The following HCLS1 variants were observed in gnomAD, a reference collection of about 807,000 sequenced individuals.
HCLS1 encodes the protein hematopoietic cell-specific Lyn substrate 1.
Under a neutral mutation model 68.6 loss-of-function variants are expected in HCLS1, and 44 were observed. That is an observed-to-expected ratio of 0.64 (90% CI 0.50 to 0.82). HCLS1 has a LOEUF of 0.82. Among genes scored for constraint, HCLS1 ranks in the 40% least tolerant of loss-of-function variants. HCLS1 has a pLI of 0.00. For missense variants in HCLS1, 602 were observed against 612.1 expected, an observed-to-expected ratio of 0.98 and a Z score of 0.17; for synonymous variants, 217 against 225.8, an observed-to-expected ratio of 0.96 and a Z score of 0.35.
chr3:121,632,613 T>C (rs766204843), intron 11 of HCLS1, 50 bp from the exon 12 acceptor site: 3 of 1,545,108 alleles, frequency 1.9e-6, no homozygotes, highest in Non-Finnish European at 1.8e-6. Context: ...CCAGGAGGAA[T>C]CAATGGAGGA....
chr3:121,634,988 T>C (rs2049135204), intron 9 of HCLS1, among the ~76,000 whole-genome samples: 2 of 152,032 alleles, frequency 1.3e-5, no homozygotes. Context: ...TCCTCCCCTG[T>C]CCATATTCCA....
rs370934839 is a variant in HCLS1 at position 121,631,568 on chromosome 3, G to A, written c.*278C>T. On this transcript the variant is annotated 3_prime_UTR_variant, in exon 14 of 14. Coordinates refer to ENST00000314583, the MANE Select transcript of HCLS1 (RefSeq NM_005335.6). ...ACTGGGAAGCCCAGAGCTCACAGAG[G>A]AGGAGAGCAGAGCTTGGGGTGGCAG... The A allele has an allele frequency of 1.3e-5, 5 of 392,236 alleles. No individual in the cohort carries two copies. Among genetic ancestry groups the A allele is most frequent in the East Asian group, 8.9e-5 (2 of 22,430 alleles). The allele number at this position is 392,236 out of a possible 1,614,324, so 24.3% of individuals were successfully genotyped here. A position where few individuals can be genotyped will look rare whatever the true frequency, so the allele number is the denominator to read the frequency against.
At chr3:121,636,722 A>G (rs1021322176) in intron 7 of HCLS1, among the ~76,000 whole-genome samples, 3 of 152,198 alleles carry the variant, frequency 2.0e-5, no homozygotes, top group African/African-American at 7.2e-5. Flanking sequence ...GCAGAAAGCA[A>G]CAGATAAGGA....
At chr3:121,651,573 A>G (rs1937749234) in intron 3 of HCLS1, among the ~76,000 whole-genome samples, 1 of 152,098 alleles carries the variant, frequency 6.6e-6, no homozygotes, top group Non-Finnish European at 1.5e-5. Flanking sequence ...AATAGCTCAG[A>G]CCACAGCCAG....
chr3:121,639,010 A>AAC (rs56054727), intron 6 of HCLS1, among the ~76,000 whole-genome samples: 11 of 149,392 alleles, frequency 7.4e-5, no homozygotes, highest in African/African-American at 2.0e-4. Context: ...GCAAGACTCC[A>AAC]ACACACACAC....
At position 121,657,270 on chromosome 3, in the gene HCLS1, G is replaced by C. The variant is rs762434372; in HGVS notation, c.158+9C>G. 1.2e-6 allele frequency: 2 copies of C among 1,610,196 alleles called. No homozygotes were observed. The highest frequency in any genetic ancestry group is 1.7e-5 in the Admixed American group (1 of 59,762). ...CCCCTTCCTTTTCTCCAGTCCTTTC[G>C]GCACCTACTTGATGTGTTCTGTGCG... is the stretch of plus-strand genomic sequence containing the variant. On this transcript the variant is annotated intron_variant, in intron 3 of 13. Transcript: ENST00000314583.
At position 121,633,061 on chromosome 3, in the gene HCLS1, G is replaced by A. The variant is rs749708136; in HGVS notation, c.1008+6C>T. 3.1e-5 allele frequency: 50 copies of A among 1,590,088 alleles called. No individual in the cohort carries two copies. The highest frequency in any genetic ancestry group is 4.1e-5 in the Non-Finnish European group (47 of 1,158,922). On this transcript the variant is annotated splice_donor_region_variant and intron_variant, in intron 11 of 13. Transcript: ENST00000314583. ...GGGGGCAGAGAATCTTTGGGGGTTTGCTTACCTCCGGGAGAGTCTGCCTAA... is the reference window on the plus strand; with the variant it reads ...GGGGGCAGAGAATCTTTGGGGGTTTACTTACCTCCGGGAGAGTCTGCCTAA...
At chr3:121,648,871 A>T (rs184299934) in intron 3 of HCLS1, among the ~76,000 whole-genome samples, 3 of 152,302 alleles carry the variant, frequency 2.0e-5, no homozygotes, top group Admixed American at 2.0e-4. Flanking sequence ...TTGTGTTGTC[A>T]GTTCAACACC....
intron 6 of HCLS1, among the ~76,000 whole-genome samples, chr3:121,639,275 G>C (rs2049176773): frequency 6.6e-6 from 1 of 151,942 alleles, no homozygotes; most frequent in South Asian, 2.1e-4. Flanking sequence ...CATGCATATA[G>C]AACATTGACC....
Position 121,642,918 on chromosome 3 carries a change from T to C in HCLS1, c.454+9A>G, listed in dbSNP as rs761989509. On this transcript the variant is annotated intron_variant, in intron 6 of 13. Transcript: ENST00000314583. ...ATTGCTGAGGCTGAGTGAAGTACAG[T>C]GTCCTTGCCTTTCTGAGATGTGTGC... 4.4e-6 allele frequency: 7 copies of C among 1,608,654 alleles called. No homozygotes were observed. Among genetic ancestry groups the C allele is most frequent in the Admixed American group, 1.7e-5 (1 of 59,986 alleles).
chr3:121,648,504 G>T (rs1413204450), intron 3 of HCLS1, among the ~76,000 whole-genome samples: 1 of 152,182 alleles, frequency 6.6e-6, no homozygotes, highest in Non-Finnish European at 1.5e-5. Flanking sequence ...TTGGGCAAGA[G>T]AACCCTAAAT....
rs779555694 is a variant in HCLS1, at chr3:121,634,341, TCTC to T, written c.766_768del (p.Glu256del). On this transcript the variant is annotated inframe_deletion, in exon 10 of 14. Coordinates refer to ENST00000314583, the MANE Select transcript of HCLS1 (RefSeq NM_005335.6). The stretch of plus-strand genomic sequence containing the variant: ...TGCCTCCTGGCCACCTGCTGTGCCT[TCTC>T]CTCTTCCTCTCGCTTCCTCTTCTCC... 161 of 1,614,152 alleles carry T rather than the reference TCTC, an allele frequency of 1.0e-4. No individual in the cohort carries two copies. In the African/African-American group the frequency reaches 1.5e-3, roughly 15 times the overall value.
chr3:121,651,295 G>C (rs1937743694), intron 3 of HCLS1, among the ~76,000 whole-genome samples: 1 of 152,086 alleles, frequency 6.6e-6, no homozygotes, highest in Non-Finnish European at 1.5e-5. Context: ...GTGAGAAAAA[G>C]ATGTGAACAG....
At chr3:121,639,475 A>G (rs2049178055) in intron 6 of HCLS1, among the ~76,000 whole-genome samples, 1 of 152,230 alleles carries the variant, frequency 6.6e-6, no homozygotes. Flanking sequence ...TACATGTGTC[A>G]AAGAAGAAAT....
chr3:121,657,172 A>G (rs1171498856), intron 3 of HCLS1, 107 bp downstream of exon 3: 2 of 857,184 alleles, frequency 2.3e-6, no homozygotes, highest in Non-Finnish European at 3.8e-6. Context: ...ATACATAGAC[A>G]TGAACTACCC....
At chr3:121,639,562 T>TG (rs1186936584) in intron 6 of HCLS1, among the ~76,000 whole-genome samples, 16 of 151,286 alleles carry the variant, frequency 1.1e-4, no homozygotes, top group East Asian at 3.9e-4. Context: ...TTGTTGTTGT[T>TG]TTTTGAGACA....
chr3:121,639,540 T>C (rs1217155166), intron 6 of HCLS1, among the ~76,000 whole-genome samples: 1 of 151,952 alleles, frequency 6.6e-6, no homozygotes. Flanking sequence ...TTTGTTGTTG[T>C]TGTTGTTGTT....
intron 13 of HCLS1, 34 bp from the exon 14 acceptor site, chr3:121,632,016 C>G (rs745551801): frequency 6.2e-7 from 1 of 1,614,060 alleles, no homozygotes. Flanking sequence ...TTAGAATGGT[C>G]AGACATGAAT....
At chr3:121,646,985 A>T (rs9289174) in intron 4 of HCLS1, among the ~76,000 whole-genome samples, 62,690 of 138,684 alleles carry the variant, frequency 0.45, 14,137 homozygotes, top group East Asian at 0.76. Flanking sequence ...TATTTTATTT[A>T]TTTTTTTTTT....
Sources: allele counts gnomAD v4.1 joint callset (sites outside exome capture counted in the v4.1 genomes callset), GRCh38; gene constraint gnomAD v4.1.1; transcripts MANE v1.5; gene names NCBI Gene and HGNC (gene_info 2026-07-23, HGNC 2026-07-21).